AKR1C8: variants seen among roughly 807,000 people sequenced by gnomAD.
The protein encoded by AKR1C8 is aldo-keto reductase family 1 member C-like protein 1.
chr10:5,184,540 G>C, the AKR1C8 span, among the ~76,000 whole-genome samples: 1 of 152,180 alleles, frequency 6.6e-6, no homozygotes, highest in Non-Finnish European at 1.5e-5. Context: ...TTTGGCTTTT[G>C]ATTCCTCCTG....
At chr10:5,153,236 T>TG in the AKR1C8 span, among the ~76,000 whole-genome samples, 1 of 151,896 alleles carries the variant, frequency 6.6e-6, no homozygotes, top group Non-Finnish European at 1.5e-5. Context: ...AAGTTTTGCT[T>TG]AATAAATGAA....
At chr10:5,119,353 G>A in the AKR1C8 span, among the ~76,000 whole-genome samples, 1 of 151,954 alleles carries the variant, frequency 6.6e-6, no homozygotes, top group African/African-American at 2.4e-5. Flanking sequence ...TTGATAGCTT[G>A]GAAAAATACT....
At chr10:5,144,790 T>C in the AKR1C8 span, among the ~76,000 whole-genome samples, 2 of 152,176 alleles carry the variant, frequency 1.3e-5, no homozygotes, top group South Asian at 2.1e-4. Flanking sequence ...TGGGGTTTTC[T>C]AGATATACAA....
At chr10:5,173,404 A>G in the AKR1C8 span, among the ~76,000 whole-genome samples, 1 of 152,066 alleles carries the variant, frequency 6.6e-6, no homozygotes, top group African/African-American at 2.4e-5. Context: ...CAGGTGCAGA[A>G]TGAGGAGGAG....
At chr10:5,139,957 T>A in the AKR1C8 span, among the ~76,000 whole-genome samples, 1 of 151,518 alleles carries the variant, frequency 6.6e-6, no homozygotes, top group Non-Finnish European at 1.5e-5. Context: ...CAAGAAAAAA[T>A]CAAACAACCT....
chr10:5,138,393 G>T, the AKR1C8 span, among the ~76,000 whole-genome samples: 1 of 152,048 alleles, frequency 6.6e-6, no homozygotes, highest in African/African-American at 2.4e-5. Context: ...TTTGCAAAAA[G>T]AAAAATATGG....
At chr10:5,183,757 GA>G in the AKR1C8 span, among the ~76,000 whole-genome samples, 1 of 152,016 alleles carries the variant, frequency 6.6e-6, no homozygotes, top group South Asian at 2.1e-4. Flanking sequence ...GAAACAGCTT[GA>G]AAAAAATCAG....
chr10:5,184,077 AC>A, the AKR1C8 span, among the ~76,000 whole-genome samples: 1 of 152,076 alleles, frequency 6.6e-6, no homozygotes, highest in Admixed American at 6.5e-5. Context: ...TCAGCATCTG[AC>A]TGCTCCTGGG....
the AKR1C8 span, among the ~76,000 whole-genome samples, chr10:5,145,285 G>C: frequency 6.6e-6 from 1 of 152,138 alleles, no homozygotes; most frequent in African/African-American, 2.4e-5. Context: ...CATAGGCATG[G>C]GCAAGGACTT....
At chr10:5,156,871 A>G in the AKR1C8 span, among the ~76,000 whole-genome samples, 1,689 of 152,342 alleles carry the variant, frequency 0.011, 84 homozygotes, top group Admixed American at 0.073. Context: ...TAAAATTTGT[A>G]GCTGTCATTT....
chr10:5,151,292 T>C, the AKR1C8 span, among the ~76,000 whole-genome samples: 1 of 152,164 alleles, frequency 6.6e-6, no homozygotes, highest in East Asian at 1.9e-4. Flanking sequence ...AACCATAATT[T>C]CTAATCTTGT....
chr10:5,140,534 A>G, the AKR1C8 span, among the ~76,000 whole-genome samples: 1 of 152,106 alleles, frequency 6.6e-6, no homozygotes, highest in Non-Finnish European at 1.5e-5. Flanking sequence ...ATTCTGAGCA[A>G]ACAATCTCAA....
the AKR1C8 span, among the ~76,000 whole-genome samples, chr10:5,177,814 T>A: frequency 6.6e-6 from 1 of 152,208 alleles, no homozygotes; most frequent in Non-Finnish European, 1.5e-5. Flanking sequence ...TTCTGTGGGA[T>A]CGGTGGTGAT....
At chr10:5,160,259 C>T in the AKR1C8 span, among the ~76,000 whole-genome samples, 1 of 152,080 alleles carries the variant, frequency 6.6e-6, no homozygotes, top group African/African-American at 2.4e-5. Flanking sequence ...TATTTCAATA[C>T]TACCTATCTG....
chr10:5,117,202 T>G, the AKR1C8 span, among the ~76,000 whole-genome samples: 1 of 152,078 alleles, frequency 6.6e-6, no homozygotes, highest in Non-Finnish European at 1.5e-5. Flanking sequence ...ATAGCCACAT[T>G]TAATTCACCG....
At chr10:5,171,632 G>C in the AKR1C8 span, among the ~76,000 whole-genome samples, 1 of 152,010 alleles carries the variant, frequency 6.6e-6, no homozygotes, top group East Asian at 1.9e-4. Flanking sequence ...CATAAGGTAA[G>C]ATTTTTACAG....
chr10:5,146,879 G>T, the AKR1C8 span, among the ~76,000 whole-genome samples: 1 of 152,222 alleles, frequency 6.6e-6, no homozygotes, highest in South Asian at 2.1e-4. Flanking sequence ...TGTGATTATC[G>T]GGTATTAAGA....
At chr10:5,135,979 TATGAC>T in the AKR1C8 span, among the ~76,000 whole-genome samples, 1 of 152,186 alleles carries the variant, frequency 6.6e-6, no homozygotes, top group Non-Finnish European at 1.5e-5. Context: ...ATGCAGAAAT[TATGAC>T]ATGATGTTTA....
the AKR1C8 span, among the ~76,000 whole-genome samples, chr10:5,151,927 T>C: frequency 6.6e-6 from 1 of 152,184 alleles, no homozygotes; most frequent in African/African-American, 2.4e-5. Flanking sequence ...ATGACCACTC[T>C]GGCTTCTTCC....
Sources: gnomAD v4.1 joint callset for allele counts (sites outside exome capture counted in the v4.1 genomes callset) on GRCh38, gnomAD v4.1.1 for gene constraint, MANE v1.5 for transcripts, NCBI Gene and HGNC (gene_info 2026-07-23, HGNC 2026-07-21) for gene names.